Variants in RFX8 observed in about 807,000 individuals in gnomAD.
RFX8 encodes DNA-binding protein RFX8.
In RFX8, 46 loss-of-function variants were observed where a neutral mutation model predicts 54.6. The observed-to-expected ratio is 0.84, with a 90% CI of 0.67 to 1.08. The LOEUF is 1.08. Ranked by LOEUF, RFX8 falls within the 50% of genes least tolerant of loss-of-function variation. RFX8 has a pLI of 0.00. For synonymous variants in RFX8, 192 were observed against 209.5 expected (o/e 0.92, Z 0.72); for missense variants, 536 against 562.3 (o/e 0.95, Z 0.47).
At chr2:101,412,646 C>T (rs376334785) in intron 8 of RFX8, among the ~76,000 whole-genome samples, 1 of 152,176 alleles carries the variant, frequency 6.6e-6, no homozygotes, top group Non-Finnish European at 1.5e-5. Flanking sequence ...GCAGCAAGCA[C>T]ACTCATCTGA....
At chr2:101,469,776 C>A (rs1418381752) in intron 1 of RFX8, among the ~76,000 whole-genome samples, 3 of 152,058 alleles carry the variant, frequency 2.0e-5, no homozygotes, top group South Asian at 2.1e-4. Context: ...TACTACCGAG[C>A]CTGCCTGTTA....
chr2:101,424,777 A>G (rs960372301), intron 2 of RFX8, among the ~76,000 whole-genome samples: 3 of 152,194 alleles, frequency 2.0e-5, no homozygotes, highest in African/African-American at 7.2e-5. Context: ...CAGAAAACCA[A>G]ACACTGCATG....
intron 2 of RFX8, chr2:101,428,856 C>T: frequency 1.3e-6 from 1 of 745,382 alleles, no homozygotes; most frequent in Non-Finnish European, 2.3e-6. Flanking sequence ...TACCTAGAGT[C>T]AGAAGAGTAC....
intron 2 of RFX8, among the ~76,000 whole-genome samples, chr2:101,437,768 AAATTTCCCAAGTTTT>A (rs2148953382): frequency 1.2e-5 from 1 of 80,132 alleles, no homozygotes; most frequent in South Asian, 4.2e-4. Context: ...TGCTGATCTT[AAATTTCCCAAGTTTT>A]ACTTAAATTC....
chr2:101,468,724 G>T (rs1056753405), intron 1 of RFX8, among the ~76,000 whole-genome samples: 1 of 151,698 alleles, frequency 6.6e-6, no homozygotes, highest in Non-Finnish European at 1.5e-5. Flanking sequence ...CTGAGGTTCC[G>T]GGTGGACATG....
rs893772513 is a variant in RFX8 at position 101,460,744 on chromosome 2, T to C, written c.72+6033A>G. On this transcript the variant is annotated intron_variant, in intron 2 of 11. Coordinates refer to ENST00000428343, the MANE Select transcript of RFX8 (RefSeq NM_001145664.2). ...TTCATGTTGCATCCCTCTTTCTTTC[T>C]TTTTTTTTTTTTAATTAGCTCCCAA... Among the ~76,000 whole-genome samples, 3 of 139,690 alleles carry C rather than the reference T, an allele frequency of 2.1e-5. No homozygotes were observed. The South Asian group carries it at 6.8e-4, about 32-fold the overall frequency. The allele number at this position is 139,690 out of a possible 152,430, so 91.6% of individuals were successfully genotyped here.
intron 2 of RFX8, among the ~76,000 whole-genome samples, chr2:101,430,071 C>T (rs1221348736): frequency 6.6e-6 from 1 of 152,220 alleles, no homozygotes; most frequent in Non-Finnish European, 1.5e-5. Flanking sequence ...AAACAGGGCA[C>T]ATAGATTCAG....
chr2:101,439,354 C>G (rs1238808052), intron 2 of RFX8, among the ~76,000 whole-genome samples: 1 of 152,198 alleles, frequency 6.6e-6, no homozygotes, highest in Admixed American at 6.5e-5. Flanking sequence ...CTCCTCTTCA[C>G]ATGGGCTTTC....
At chr2:101,400,802 A>G (rs1281271216) in intron 11 of RFX8, among the ~76,000 whole-genome samples, 1 of 152,184 alleles carries the variant, frequency 6.6e-6, no homozygotes, top group African/African-American at 2.4e-5. Flanking sequence ...CTAGGGCTCT[A>G]CAGAATGCTC....
intron 2 of RFX8, among the ~76,000 whole-genome samples, chr2:101,444,415 TA>T (rs1270141791): frequency 6.6e-6 from 1 of 152,184 alleles, no homozygotes; most frequent in Admixed American, 6.5e-5. Flanking sequence ...ACAGAAGATT[TA>T]AATAGGATCA....
intron 9 of RFX8, among the ~76,000 whole-genome samples, chr2:101,408,470 G>T (rs1685888182): frequency 6.8e-6 from 1 of 146,594 alleles, no homozygotes; most frequent in Admixed American, 6.8e-5. Context: ...GGGCGACAGC[G>T]AGACTCCGTC....
At chr2:101,421,640 T>A (rs1164521083) in intron 4 of RFX8, 84 bp downstream of exon 4, 1 of 1,498,980 alleles carries the variant, frequency 6.7e-7, no homozygotes, top group Non-Finnish European at 8.9e-7. Context: ...CGGGGTCTCT[T>A]CAAATAAAAA....
At chr2:101,428,434 C>A (rs1038959840) in intron 2 of RFX8, among the ~76,000 whole-genome samples, 3 of 152,166 alleles carry the variant, frequency 2.0e-5, no homozygotes, top group African/African-American at 7.2e-5. Flanking sequence ...GGTAACCTGG[C>A]CACGCTGGCA....
At position 101,413,164 on chromosome 2, in the gene RFX8, G is replaced by T. The variant is rs1686254487; in HGVS notation, c.562-93C>A. The T allele has an allele frequency of 4.0e-6, 4 of 1,005,762 alleles. No individual in the cohort carries two copies. In the East Asian group the frequency reaches 7.8e-5, roughly 20 times the overall value. The allele number at this position is 1,005,762 out of a possible 1,614,324, so 62.3% of individuals were successfully genotyped here. On this transcript the variant is annotated intron_variant, in intron 7 of 11. Transcript: ENST00000428343. ...CAAATTGCCAAGATTTTTGTTGTGG[G>T]GGAGAAAGAAACATTGATGTGGATA...
chr2:101,415,179 C>A (rs1686419946), intron 6 of RFX8, among the ~76,000 whole-genome samples: 1 of 152,118 alleles, frequency 6.6e-6, no homozygotes, highest in African/African-American at 2.4e-5. Flanking sequence ...TCCCACACCC[C>A]AAATTTCATA....
intron 8 of RFX8, among the ~76,000 whole-genome samples, chr2:101,411,126 G>A (rs1366702231): frequency 6.6e-6 from 1 of 152,268 alleles, no homozygotes; most frequent in Non-Finnish European, 1.5e-5. Flanking sequence ...GCTGCTGAGA[G>A]AGGGTGAGCG....
chr2:101,467,743 A>G (rs1689656777), intron 1 of RFX8, among the ~76,000 whole-genome samples: 1 of 151,970 alleles, frequency 6.6e-6, no homozygotes, highest in African/African-American at 2.4e-5. Flanking sequence ...GGGGACAGCC[A>G]GGCGCCTATT....
At chr2:101,432,196 C>T (rs12712099) in intron 2 of RFX8, among the ~76,000 whole-genome samples, 111,765 of 152,066 alleles carry the variant, frequency 0.73, 42,546 homozygotes, top group Middle Eastern at 0.88. Context: ...TTTAATGAGA[C>T]CATATTTATT....
chr2:101,440,104 ATT>A (rs199509663), intron 2 of RFX8, among the ~76,000 whole-genome samples: 6 of 139,172 alleles, frequency 4.3e-5, no homozygotes, highest in Non-Finnish European at 6.6e-5. Flanking sequence ...TCTTGCTGAG[ATT>A]TTAAAAAAAA....
Sources: allele counts gnomAD v4.1 joint callset (sites outside exome capture counted in the v4.1 genomes callset), GRCh38; gene constraint gnomAD v4.1.1; transcripts MANE v1.5; gene names NCBI Gene and HGNC (gene_info 2026-07-23, HGNC 2026-07-21).